Variants in ABR observed in about 807,000 individuals in gnomAD.
The protein encoded by ABR is active breakpoint cluster region-related protein.
A neutral mutation model predicts 107.2 loss-of-function variants in ABR; 35 were observed. The ratio of observed to expected loss-of-function variants is 0.33; its 90% CI spans 0.25 to 0.43. ABR has a LOEUF of 0.43. ABR is among the 20% of genes least tolerant of loss of function. The pLI is 1.00. For missense variants in ABR, 815 were observed against 1,115.2 expected, an observed-to-expected ratio of 0.73 and a Z score of 3.83; for synonymous variants, 498 against 462.0, an observed-to-expected ratio of 1.08 and a Z score of -1.00.
chr17:1,082,665 C>A (rs948589390), intron 5 of ABR, among the ~76,000 whole-genome samples: 2 of 152,182 alleles, frequency 1.3e-5, no homozygotes, highest in African/African-American at 4.8e-5. Flanking sequence ...AAAAGACGAC[C>A]TATAGTCCAA....
At chr17:1,061,006 A>C (rs929981431) in intron 10 of ABR, among the ~76,000 whole-genome samples, 6 of 151,978 alleles carry the variant, frequency 3.9e-5, no homozygotes, top group East Asian at 1.9e-4. Context: ...TCAAAAAAAA[A>C]CAAAAAACAA....
chr17:1,204,097 A>C (rs888117482), intron 1 of ABR, among the ~76,000 whole-genome samples: 1 of 152,136 alleles, frequency 6.6e-6, no homozygotes, highest in African/African-American at 2.4e-5. Flanking sequence ...AGAAGCCACC[A>C]CCAGGGCTCC....
chr17:1,077,318 C>T (rs371329041), intron 6 of ABR, among the ~76,000 whole-genome samples: 2 of 152,206 alleles, frequency 1.3e-5, no homozygotes, highest in African/African-American at 2.4e-5. Flanking sequence ...AACAGTATCA[C>T]GGAGACCGAA....
chr17:1,008,109 C>G (rs183052185), intron 21 of ABR, among the ~76,000 whole-genome samples: 58 of 152,210 alleles, frequency 3.8e-4, no homozygotes, highest in African/African-American at 1.3e-3. Flanking sequence ...TCGTGGGACC[C>G]AGGATTGTCC....
At position 1,117,997 on chromosome 17, in the gene ABR, G is replaced by T. The variant is rs140082615; in HGVS notation, c.246+7186C>A. 6.9e-3 allele frequency among the ~76,000 whole-genome samples: 423 copies of T among 61,340 alleles called. 2 individuals are homozygous for T. The highest frequency in any genetic ancestry group is 0.01 in the Admixed American group (52 of 5,180). 40.2% of individuals were successfully genotyped at this position (61,340 alleles called of 152,430 possible). A position where few individuals can be genotyped will look rare whatever the true frequency, so the allele number is the denominator to read the frequency against. On this transcript the variant is annotated intron_variant, in intron 2 of 22. Transcript: ENST00000302538. ...TCCCTGAGCCTGAGTTCCTCCCAGC[G>T]TTATCCCTGAGCCTGAGTTCTCCCC...
intron 16 of ABR, among the ~76,000 whole-genome samples, chr17:1,029,577 C>T (rs892818321): frequency 8.5e-5 from 13 of 152,186 alleles, no homozygotes; most frequent in African/African-American, 2.7e-4. Flanking sequence ...ATGAGGCAAT[C>T]CCTCCTGCCA....
Position 1,056,085 on chromosome 17 carries a change from C to G in ABR, c.1511G>C (p.Gly504Ala). ...AGAGTGGACGATGACATGAAGGAAG[C>G]CATAGAGTCCTGGAGACTCATCGTC... Reference protein sequence around the residue: ...KDDDESPGLYGFLHVIVHSAK... With the variant: ...KDDDESPGLYAFLHVIVHSAK... The change falls in exon 14 of 23, where the codon GGC (glycine) becomes GCC (alanine). Residue 504 changes from glycine (G) to alanine (A), a missense_variant. By Grantham distance (60) the Gly-to-Ala change is moderately conservative. Coordinates refer to ENST00000302538, the MANE Select transcript of ABR (RefSeq NM_021962.5). The G allele has an allele frequency of 6.2e-7, 1 of 1,614,176 alleles. No individual in the cohort carries two copies. The highest frequency in any genetic ancestry group is 8.5e-7 in the Non-Finnish European group (1 of 1,180,022).
At chr17:1,121,976 C>T (rs1422371254) in intron 2 of ABR, among the ~76,000 whole-genome samples, 2 of 152,188 alleles carry the variant, frequency 1.3e-5, no homozygotes, top group Non-Finnish European at 2.9e-5. Flanking sequence ...GATCTCGGCT[C>T]GCTGCAACTT....
intron 1 of ABR, chr17:1,153,930 A>ATTTTTTAATGATACG: frequency 1.2e-5 from 2 of 173,672 alleles, no homozygotes; most frequent in Non-Finnish European, 2.5e-5. Context: ...TGGTCACCAT[A>ATTTTTTAATGATACG]GCAACAGGCT....
rs1434488126 is a variant in ABR, at chr17:1,078,210, C to T, written c.700+1120G>A. Among the ~76,000 whole-genome samples, 2 of 152,066 alleles carry T rather than the reference C, an allele frequency of 1.3e-5. No individual in the cohort carries two copies. Among genetic ancestry groups the T allele is most frequent in the South Asian group, 2.1e-4 (1 of 4,822 alleles). ...CTTCCACAGTTGAGGGCCCAGACCT[C>T]GGCTGGGGGTCTCTCACGGCTGGAA... is the stretch of plus-strand genomic sequence containing the variant. On this transcript the variant is annotated intron_variant, in intron 6 of 22. Coordinates refer to ENST00000302538, the MANE Select transcript of ABR (RefSeq NM_021962.5). This position sits in a 1 kb window ranked among gnomAD's most constrained non-coding sequence, Gnocchi z 7.5.
intron 16 of ABR, among the ~76,000 whole-genome samples, chr17:1,047,237 G>A (rs1011425468): frequency 6.6e-6 from 1 of 152,268 alleles, no homozygotes; most frequent in Non-Finnish European, 1.5e-5. Context: ...CTCAGCGCCT[G>A]CTGGCGGGCA....
intron 6 of ABR, 133 bp from the exon 7 acceptor site, chr17:1,073,810 C>T (rs1250548489): frequency 1.4e-6 from 1 of 719,148 alleles, no homozygotes; most frequent in Non-Finnish European, 2.2e-6. Flanking sequence ...AGAGTGAGCC[C>T]ACGGCAGCCC....
chr17:1,166,028 C>T (rs1343710991), intron 1 of ABR, among the ~76,000 whole-genome samples: 6 of 149,286 alleles, frequency 4.0e-5, no homozygotes, highest in Non-Finnish European at 8.9e-5. Flanking sequence ...CACCTCCGCT[C>T]TCCCAGAGCC....
At chr17:1,193,247 T>C (rs1393169746) in intron 1 of ABR, among the ~76,000 whole-genome samples, 4 of 151,924 alleles carry the variant, frequency 2.6e-5, no homozygotes, top group Non-Finnish European at 4.4e-5. Flanking sequence ...ATCCACCTTA[T>C]AGAGAAGCCT....
At chr17:1,206,945 C>T (rs1424042764) in intron 1 of ABR, among the ~76,000 whole-genome samples, 2 of 151,992 alleles carry the variant, frequency 1.3e-5, no homozygotes, top group African/African-American at 2.4e-5. Context: ...TTTAGCTGGG[C>T]GTGGTGGCAT....
intron 1 of ABR, among the ~76,000 whole-genome samples, chr17:1,178,922 C>T (rs998412943): frequency 6.6e-6 from 1 of 151,790 alleles, no homozygotes; most frequent in African/African-American, 2.4e-5. Context: ...TGATCAGTTA[C>T]GCATCCCCCG....
In ABR at chr17:1,013,390, G is replaced by T. The variant is rs1055796907; in HGVS notation, c.1792-226C>A. On this transcript the variant is annotated intron_variant, in intron 16 of 22. Transcript: ENST00000302538. ...CAGGGCACACCCTGTTACCCGCCGT[G>T]GGGGAGGCAGGGCACACCCTGTTAC... Among the ~76,000 whole-genome samples, 4 of 151,986 alleles carry T rather than the reference G, an allele frequency of 2.6e-5. 1 individual carries two copies. Among genetic ancestry groups the T allele is most frequent in the East Asian group, 3.9e-4 (2 of 5,174 alleles).
At chr17:1,008,891 C>A (rs1257924944) in intron 21 of ABR, among the ~76,000 whole-genome samples, 1 of 152,170 alleles carries the variant, frequency 6.6e-6, no homozygotes, top group African/African-American at 2.4e-5. Context: ...TTGGACCTGA[C>A]TAGAAAGGGT....
At chr17:1,224,294 G>T (rs1288355702) in intron 1 of ABR, among the ~76,000 whole-genome samples, 1 of 152,154 alleles carries the variant, frequency 6.6e-6, no homozygotes, top group African/African-American at 2.4e-5. Flanking sequence ...GATACTAAGC[G>T]AATTGGCAGA....
Sources: gnomAD v4.1 joint callset for allele counts (sites outside exome capture counted in the v4.1 genomes callset) on GRCh38, gnomAD v4.1.1 for gene constraint, Gnocchi (gnomAD v3.1) non-coding constraint, MANE v1.5 for transcripts, NCBI Gene and HGNC (gene_info 2026-07-23, HGNC 2026-07-21) for gene names.